The following TG variants were observed in gnomAD, a reference collection of about 807,000 sequenced individuals.
TG encodes the protein thyroglobulin.
Under a neutral mutation model 324.7 loss-of-function variants are expected in TG, and 270 were observed. The observed-to-expected ratio is 0.83, with a 90% confidence interval of 0.75 to 0.92. The LOEUF is 0.92. TG is among the 40% of genes least tolerant of loss of function. The probability of loss-of-function intolerance (pLI) is 0.00; values close to 1 mark genes in which losing one functional copy is unlikely to be tolerated. For synonymous variants in TG, 1,401 were observed against 1,327.0 expected (o/e 1.06, Z -1.21); for missense variants, 3,591 against 3,456.4 (o/e 1.04, Z -0.98).
chr8:132,931,948 G>A (rs1383379550), intron 23 of TG, among the ~76,000 whole-genome samples: 4 of 152,034 alleles, frequency 2.6e-5, no homozygotes, highest in Non-Finnish European at 5.9e-5. Context: ...ACAAAAATTA[G>A]CCAGGCGTGA....
chr8:133,053,129 G>A (rs150079444), intron 41 of TG, among the ~76,000 whole-genome samples: 24 of 152,206 alleles, frequency 1.6e-4, no homozygotes, highest in East Asian at 7.7e-4. Flanking sequence ...CTCCTTCACC[G>A]TTCCCACCTT....
chr8:132,904,847 C>G (rs1818441987), intron 16 of TG, among the ~76,000 whole-genome samples: 1 of 152,222 alleles, frequency 6.6e-6, no homozygotes, highest in Non-Finnish European at 1.5e-5. Context: ...CTTACACACT[C>G]ATTGACACCC....
At chr8:133,084,308 A>C (rs1381749355) in intron 41 of TG, among the ~76,000 whole-genome samples, 1 of 152,220 alleles carries the variant, frequency 6.6e-6, no homozygotes, top group African/African-American at 2.4e-5. Context: ...GAAAAAAATG[A>C]CTAGAAAGAA....
intron 41 of TG, among the ~76,000 whole-genome samples, chr8:133,046,802 A>AT (rs1019294125): frequency 3.3e-5 from 5 of 152,022 alleles, no homozygotes; most frequent in Non-Finnish European, 7.4e-5. Context: ...TTGATCGCAG[A>AT]TTTTTTTTAA....
At chr8:133,111,141 C>A (rs4736435) in intron 43 of TG, among the ~76,000 whole-genome samples, 30,357 of 152,154 alleles carry the variant, frequency 0.2, 3,486 homozygotes, top group Middle Eastern at 0.27. Flanking sequence ...TGGGCAAAAA[C>A]CACCCATCCT....
At chr8:133,014,051 C>A (rs776615872) in intron 37 of TG, among the ~76,000 whole-genome samples, 1 of 152,312 alleles carries the variant, frequency 6.6e-6, no homozygotes, top group Admixed American at 6.5e-5. Context: ...TTAGAGAGTT[C>A]TTTCACAGGC....
intron 34 of TG, 85 bp downstream of exon 34, chr8:132,972,826 G>C (rs1241951841): frequency 2.2e-5 from 34 of 1,550,594 alleles, no homozygotes; most frequent in Non-Finnish European, 6.2e-6. Context: ...TCTTGGATTG[G>C]TGAGTAGATT....
intron 31 of TG, 47 bp from the exon 32 acceptor site, chr8:132,969,411 C>G: frequency 7.5e-7 from 1 of 1,339,208 alleles, no homozygotes; most frequent in Non-Finnish European, 1.1e-6. Context: ...ATTTTCATGA[C>G]TACAGCAAAT....
intron 43 of TG, chr8:133,106,563 G>A (rs941865314): frequency 8.1e-6 from 5 of 617,006 alleles, no homozygotes; most frequent in African/African-American, 6.0e-5. Context: ...CACTGACCCC[G>A]TGGACCTCGC....
At chr8:133,000,995 C>T (rs1833427645) in intron 35 of TG, among the ~76,000 whole-genome samples, 1 of 152,182 alleles carries the variant, frequency 6.6e-6, no homozygotes, top group African/African-American at 2.4e-5. Context: ...TCCCCAGCCT[C>T]TCCCCTTGGC....
At chr8:133,098,543 A>G (rs1234375991) in intron 43 of TG, among the ~76,000 whole-genome samples, 1 of 152,204 alleles carries the variant, frequency 6.6e-6, no homozygotes, top group Non-Finnish European at 1.5e-5. Flanking sequence ...TGTGCACAAG[A>G]CACCATGTCC....
intron 40 of TG, 73 bp from the exon 41 acceptor site, chr8:133,029,748 T>C (rs1587806462): frequency 8.8e-6 from 14 of 1,596,256 alleles, no homozygotes; most frequent in Non-Finnish European, 1.2e-5. Flanking sequence ...ATGCCTGCCA[T>C]AGACAGCACC....
At chr8:133,126,428 G>A (rs188768009) in intron 45 of TG, among the ~76,000 whole-genome samples, 205 of 152,254 alleles carry the variant, frequency 1.3e-3, no homozygotes, top group Admixed American at 3.5e-3. Flanking sequence ...CTGGACAGCC[G>A]TTATCATACT....
Position 132,900,277 on chromosome 8 carries a change from C to T in TG, c.3371C>T (p.Thr1124Ile). The T allele has an allele frequency of 6.2e-7, 1 of 1,614,034 alleles. No individual in the cohort carries two copies. Among genetic ancestry groups the T allele is most frequent in the Non-Finnish European group, 8.5e-7 (1 of 1,179,994 alleles). Residue 1124 changes from threonine to isoleucine, a missense_variant, in exon 15 of 48, where the codon ACC becomes ATC. Transcript: ENST00000220616. ...YARLQASGAG[T>I]WCVDPASGEE... ...AGGCTGCAGGCATCGGGGGCTGGCA[C>T]CTGGTGTGTGGACCCTGCATCAGGA...
intron 46 of TG, among the ~76,000 whole-genome samples, 199 bp downstream of exon 46, chr8:133,132,145 G>C (rs1851991446): frequency 6.6e-6 from 1 of 152,190 alleles, no homozygotes. Context: ...TCTTCATGAA[G>C]AAAAGCTCTA....
chr8:133,078,566 C>T (rs532589698), intron 41 of TG, among the ~76,000 whole-genome samples: 1 of 152,194 alleles, frequency 6.6e-6, no homozygotes, highest in Non-Finnish European at 1.5e-5. Flanking sequence ...ATTTTGTGCT[C>T]CATACATTCA....
At chr8:133,013,861 G>C in intron 37 of TG, 97 bp downstream of exon 37, 2 of 1,482,678 alleles carry the variant, frequency 1.3e-6, no homozygotes, top group South Asian at 1.2e-5. Flanking sequence ...AGTGGCTTTT[G>C]TTGGCCAAAG....
chr8:133,091,792 G>A (rs1252479135), intron 41 of TG, among the ~76,000 whole-genome samples: 2 of 152,008 alleles, frequency 1.3e-5, no homozygotes, highest in Admixed American at 6.6e-5. Context: ...GTGTTTCTAA[G>A]TGTGGGTCTC....
Position 132,923,362 on chromosome 8 carries a change from A to T in TG, c.4553A>T (p.Glu1518Val). The stretch of plus-strand genomic sequence containing the variant: ...GGTGTCACTGACTGTCAGAGGAACG[A>T]AGCAGGCCTGCAATGTGACCAGAAT... ...THCVTDCQRN[E>V]AGLQCDQNGQ... is the part of the protein sequence containing the mutation. The change falls in exon 22 of 48, where the codon GAA (glutamate) becomes GTA (valine). Residue 1518 changes from glutamate to valine, a missense_variant. Glu to Val is a moderately radical substitution (Grantham distance 121, BLOSUM62 -2). Coordinates refer to ENST00000220616, the MANE Select transcript of TG (RefSeq NM_003235.5). The T allele has an allele frequency of 6.2e-7, 1 of 1,614,128 alleles. No homozygotes were observed. Among genetic ancestry groups the T allele is most frequent in the African/African-American group, 1.3e-5 (1 of 75,012 alleles).
Sources: allele counts gnomAD v4.1 joint callset (sites outside exome capture counted in the v4.1 genomes callset), GRCh38; gene constraint gnomAD v4.1.1; transcripts MANE v1.5; gene names NCBI Gene and HGNC (gene_info 2026-07-23, HGNC 2026-07-21).